The following A2M variants were observed in gnomAD, a reference collection of about 807,000 sequenced individuals.
A2M encodes C3 and PZP-like alpha-2-macroglobulin domain-containing protein 5.
A neutral mutation model predicts 183.9 loss-of-function variants in A2M; 128 were observed. The observed-to-expected ratio is 0.70, with a 90% CI of 0.60 to 0.81. The LOEUF (loss-of-function observed/expected upper bound fraction) is 0.81, where lower values mean the gene tolerates loss of function less well. Ranked by LOEUF, A2M falls within the 30% of genes least tolerant of loss-of-function variation. The pLI is 0.00. For synonymous variants in A2M, 592 were observed against 670.8 expected (o/e 0.88, Z 1.81); for missense variants, 1,495 against 1,787.6 (o/e 0.84, Z 2.95).
chr12:9,090,618 AC>A lies in A2M; in HGVS notation c.2470-137del, dbSNP rs1299198071. 7.0e-6 allele frequency: 6 copies of A among 861,636 alleles called. No homozygotes were observed. The East Asian group carries it at 1.4e-4, about 20-fold the overall frequency. 53.4% of individuals were successfully genotyped at this position (861,636 alleles called of 1,614,324 possible). A position where few individuals can be genotyped will look rare whatever the true frequency, so the allele number is the denominator to read the frequency against. On this transcript the variant is annotated intron_variant, in intron 19 of 35. Transcript: ENST00000318602. Reference sequence around the variant, plus strand: ...AAGATGATATAAATGAAGATCAAGTACCTGAAATATATTTAAGTGGATCTTA... The same window carrying A: ...AAGATGATATAAATGAAGATCAAGTACTGAAATATATTTAAGTGGATCTTA...
intron 18 of A2M, among the ~76,000 whole-genome samples, chr12:9,091,983 T>C (rs938747222): frequency 2.0e-5 from 3 of 152,202 alleles, no homozygotes; most frequent in African/African-American, 4.8e-5. Context: ...AAATTAGCAA[T>C]GCGTTTGAAA....
intron 22 of A2M, among the ~76,000 whole-genome samples, chr12:9,081,234 G>C (rs962475245): frequency 6.6e-6 from 1 of 151,976 alleles, no homozygotes; most frequent in South Asian, 2.1e-4. Context: ...CAAAAATAAG[G>C]TCATCCTTGT....
chr12:9,101,872 G>A lies in A2M; in HGVS notation c.1267-198C>T, dbSNP rs954198955. On this transcript the variant is annotated intron_variant, in intron 11 of 35. Transcript: ENST00000318602. The stretch of plus-strand genomic sequence containing the variant: ...GCATGCTTTGTGACTTTACACTGCA[G>A]AGCCTCCTGGGATTGAGATTTATAT... 4.6e-5 allele frequency among the ~76,000 whole-genome samples: 7 copies of A among 152,202 alleles called. No individual in the cohort carries two copies. In the South Asian group the frequency reaches 1.5e-3, roughly 32 times the overall value.
intron 23 of A2M, 97 bp from the exon 24 acceptor site, chr12:9,079,912 A>G (rs939371790): frequency 8.1e-7 from 1 of 1,236,200 alleles, no homozygotes; most frequent in African/African-American, 1.5e-5. Context: ...GAAATTGAGA[A>G]TTTTTAGGAA....
chr12:9,074,530 T>C, intron 29 of A2M, 30 bp downstream of exon 29: 1 of 1,559,994 alleles, frequency 6.4e-7, no homozygotes. Flanking sequence ...TACCTGAAGG[T>C]GAAATAAAAG....
At chr12:9,069,338 T>C (rs749643466) in intron 33 of A2M, among the ~76,000 whole-genome samples, 12 of 152,230 alleles carry the variant, frequency 7.9e-5, no homozygotes, top group Non-Finnish European at 1.6e-4. Context: ...ACTGGTCTTA[T>C]TATTTTATGG....
chr12:9,101,649 C>A lies in A2M; in HGVS notation c.1292G>T (p.Cys431Phe). 6.2e-7 allele frequency: 1 copy of A among 1,613,822 alleles called. No homozygotes were observed. Among genetic ancestry groups the A allele is most frequent in the Non-Finnish European group, 8.5e-7 (1 of 1,179,760 alleles). Reference sequence around the variant, plus strand: ...TTCTGACACCCACTGGTAGCCGTAACAGGGACTACGATCCTTGTAATTGAC... The same window carrying A: ...TTCTGACACCCACTGGTAGCCGTAAAAGGGACTACGATCCTTGTAATTGAC... Reference protein sequence around the residue: ...VRVNYKDRSPCYGYQWVSEEH... With the variant: ...VRVNYKDRSPFYGYQWVSEEH... Residue 431 changes from cysteine to phenylalanine, a missense_variant, in exon 12 of 36, where the codon TGT becomes TTT. Cys to Phe is a radical substitution (Grantham distance 205). Transcript: ENST00000318602.
Position 9,072,821 on chromosome 12 carries a change from A to G in A2M, c.3807T>C (p.Phe1269=). The change falls in exon 30 of 36, where the codon TTT becomes TTC. Residue 1269 remains phenylalanine (F), a synonymous_variant. Transcript: ENST00000318602. The stretch of plus-strand genomic sequence containing the variant: ...CCTGTGCAGCCTTCCCAGTCCTGGT[A>G]AATGTGGCTGCTCCATATTTGGACA... The part of the protein sequence containing the change: ...HALSKYGAAT[F]TRTGKAAQVT... 2 of 1,614,192 alleles carry G rather than the reference A, an allele frequency of 1.2e-6. No individual in the cohort carries two copies. Among genetic ancestry groups the G allele is most frequent in the Non-Finnish European group, 1.7e-6 (2 of 1,180,008 alleles).
At chr12:9,109,507 T>G (rs1938564327) in intron 6 of A2M, 102 bp from the exon 7 acceptor site, 1 of 857,894 alleles carries the variant, frequency 1.2e-6, no homozygotes, top group Non-Finnish European at 1.9e-6. Flanking sequence ...ATTTTAGGGC[T>G]CTGAAAAGGT....
chr12:9,101,319 G>T (rs1469466672), intron 12 of A2M, 112 bp from the exon 13 acceptor site: 2 of 1,366,252 alleles, frequency 1.5e-6, no homozygotes, highest in Non-Finnish European at 2.0e-6. Flanking sequence ...CACCTCAAGA[G>T]AAATCAAACT....
At chr12:9,112,321 C>T in intron 3 of A2M, 56 bp downstream of exon 3, 1 of 1,601,686 alleles carries the variant, frequency 6.2e-7, no homozygotes, top group African/African-American at 1.3e-5. Flanking sequence ...GGGGAACATC[C>T]AGGGGAAGAA....
intron 22 of A2M, 54 bp from the exon 23 acceptor site, chr12:9,080,231 C>T: frequency 8.2e-7 from 1 of 1,226,542 alleles, no homozygotes; most frequent in Non-Finnish European, 1.2e-6. Flanking sequence ...TTATATCTTT[C>T]TAAACAGCTC....
At chr12:9,094,196 G>A (rs1046660029) in intron 17 of A2M, among the ~76,000 whole-genome samples, 25 of 151,956 alleles carry the variant, frequency 1.6e-4, no homozygotes, top group African/African-American at 6.0e-4. Flanking sequence ...CAGTTTACAG[G>A]AGGGAAAAGT....
In A2M at chr12:9,109,853, T is replaced by C. The variant is rs1393382970; in HGVS notation, c.673+14A>G. On this transcript the variant is annotated intron_variant, in intron 6 of 35. Transcript: ENST00000318602. ...GAAGAAAAATAATGCTTGATGACTTTTCATGATCCATACCAAATTCCTCCA... is the reference window on the plus strand; with the variant it reads ...GAAGAAAAATAATGCTTGATGACTTCTCATGATCCATACCAAATTCCTCCA... 6.3e-7 allele frequency: 1 copy of C among 1,578,348 alleles called. No homozygotes were observed. Among genetic ancestry groups the C allele is most frequent in the East Asian group, 2.2e-5 (1 of 44,476 alleles).
intron 23 of A2M, 133 bp downstream of exon 23, chr12:9,079,961 A>G: frequency 1.0e-6 from 1 of 990,936 alleles, no homozygotes; most frequent in Non-Finnish European, 1.4e-6. Context: ...ATTGAAAGCA[A>G]TAAACAAGCC....
rs757206092 is a variant in A2M, at chr12:9,103,417, A to AAC, written c.1266+820_1266+821dup. 1.0e-3 allele frequency among the ~76,000 whole-genome samples: 152 copies of AAC among 151,382 alleles called. 2 individuals are homozygous for AAC. The highest frequency in any genetic ancestry group is 3.0e-3 in the Admixed American group (45 of 15,190). ...CACACTTTTCAAAAAAGTTATTATA[A>AAC]ACACACACACACACACAACATAAAA... On this transcript the variant is annotated intron_variant, in intron 11 of 35. Transcript: ENST00000318602.
Position 9,072,860 on chromosome 12 carries a change from C to T in A2M, c.3768G>A (p.Val1256=). 1.9e-6 allele frequency: 3 copies of T among 1,613,812 alleles called. No individual in the cohort carries two copies. Among genetic ancestry groups the T allele is most frequent in the Non-Finnish European group, 1.7e-6 (2 of 1,179,854 alleles). Residue 1256 remains valine (V), a synonymous_variant, in exon 30 of 36, where the codon GTG becomes GTA. Transcript: ENST00000318602. ...CATATTTGGACAGAGCATGGAGAGCCACCACTGTGTCCTGTTAGAGACAGA... is the reference window on the plus strand; with the variant it reads ...CATATTTGGACAGAGCATGGAGAGCTACCACTGTGTCCTGTTAGAGACAGA... ...GGFSSTQDTV[V]ALHALSKYGA...
At chr12:9,076,574 C>T (rs1805678) in intron 28 of A2M, among the ~76,000 whole-genome samples, 182 bp downstream of exon 28, 57,378 of 152,066 alleles carry the variant, frequency 0.38, 11,553 homozygotes, top group African/African-American at 0.49. Context: ...CTCTTGTCTT[C>T]TGATTTCTGA....
At chr12:9,101,109 T>C (rs1275136219) in intron 13 of A2M, 35 bp downstream of exon 13, 1 of 1,547,566 alleles carries the variant, frequency 6.5e-7, no homozygotes, top group South Asian at 1.2e-5. Context: ...TGGGTCAGAA[T>C]GGGGCAGCAA....
Sources: gnomAD v4.1 joint callset for allele counts (sites outside exome capture counted in the v4.1 genomes callset) on GRCh38, gnomAD v4.1.1 for gene constraint, MANE v1.5 for transcripts, NCBI Gene and HGNC (gene_info 2026-07-23, HGNC 2026-07-21) for gene names.